TDRD5: variants seen among roughly 807,000 people sequenced by gnomAD.
TDRD5 encodes the protein tudor domain containing 5, also known as tudor domain-containing protein 5.
A neutral mutation model predicts 120.6 loss-of-function variants in TDRD5; 41 were observed. The observed-to-expected ratio is 0.34, with a 90% CI of 0.26 to 0.44. The LOEUF (loss-of-function observed/expected upper bound fraction) is 0.44. Among genes scored for constraint, TDRD5 ranks in the 20% least tolerant of loss-of-function variants. The probability of loss-of-function intolerance (pLI) is 1.00; values close to 1 mark genes in which losing one functional copy is unlikely to be tolerated. For synonymous variants in TDRD5, 430 were observed against 433.7 expected, an observed-to-expected ratio of 0.99 and a Z score of 0.11; for missense variants, 1,006 against 1,221.2, an observed-to-expected ratio of 0.82 and a Z score of 2.63.
At chr1:179,624,620 A>G (rs927704685) in intron 6 of TDRD5, among the ~76,000 whole-genome samples, 2 of 152,352 alleles carry the variant, frequency 1.3e-5, no homozygotes, top group African/African-American at 2.4e-5. Context: ...GTAGCAAACT[A>G]TTGGAGAATG....
In TDRD5 at chr1:179,611,608, A is replaced by C. The variant is rs116682933; in HGVS notation, c.832-6991A>C. On this transcript the variant is annotated intron_variant, in intron 4 of 17. Transcript: ENST00000444136. ...AAAAGTTCCAAAAAAAATTAATTATAATGTATATTTCTTTTTTCAGAAACT... is the reference window on the plus strand; with the variant it reads ...AAAAGTTCCAAAAAAAATTAATTATCATGTATATTTCTTTTTTCAGAAACT... Among the ~76,000 whole-genome samples, 339 of 152,272 alleles carry C rather than the reference A, an allele frequency of 2.2e-3. 6 individuals are homozygous for C. The highest frequency in any genetic ancestry group is 7.7e-3 in the African/African-American group (321 of 41,562).
In TDRD5 at chr1:179,591,890, A is replaced by G. The variant is rs1178507716; in HGVS notation, c.-250A>G. 4 of 152,204 alleles carry G rather than the reference A, an allele frequency of 2.6e-5. No individual in the cohort carries two copies. The highest frequency in any genetic ancestry group is 7.2e-5 in the African/African-American group (3 of 41,426). The allele number at this position is 152,204 out of a possible 1,614,324, so 9.4% of individuals were successfully genotyped here. ...TGCGCCGATTCGGAGAGGGCCCCCTAATCTCTACTCGGCCCGCACCAGCAG... is the reference window on the plus strand; with the variant it reads ...TGCGCCGATTCGGAGAGGGCCCCCTGATCTCTACTCGGCCCGCACCAGCAG... On this transcript the variant is annotated 5_prime_UTR_variant, in exon 1 of 18. Transcript: ENST00000444136.
intron 4 of TDRD5, among the ~76,000 whole-genome samples, chr1:179,600,902 T>G (rs1675668183): frequency 6.6e-6 from 1 of 152,204 alleles, no homozygotes; most frequent in African/African-American, 2.4e-5. Flanking sequence ...TAGAAGTGTG[T>G]TGTTTAATAT....
chr1:179,671,949 G>GGTGGGTGT (rs747798739), intron 17 of TDRD5, among the ~76,000 whole-genome samples: 2 of 141,728 alleles, frequency 1.4e-5, no homozygotes, highest in African/African-American at 5.2e-5. Flanking sequence ...AATATTCCAT[G>GGTGGGTGT]GTGTGTGTGT....
In TDRD5 at chr1:179,691,162, CTG is replaced by C. The variant is rs754479969; in HGVS notation, c.*223_*224del. On this transcript the variant is annotated 3_prime_UTR_variant, in exon 18 of 18. Transcript: ENST00000444136. ...AATCTTGATTTTTCTTGATTTTATT[CTG>C]TGTCATTTTGTTCACCTTTGTTTTT... is the stretch of plus-strand genomic sequence containing the variant. 33 of 538,072 alleles carry C rather than the reference CTG, an allele frequency of 6.1e-5. No homozygotes were observed. Among genetic ancestry groups the C allele is most frequent in the African/African-American group, 2.1e-4 (11 of 52,396 alleles). 33.3% of individuals were successfully genotyped at this position (538,072 alleles called of 1,614,324 possible).
intron 17 of TDRD5, among the ~76,000 whole-genome samples, chr1:179,670,104 A>C (rs1679777939): frequency 6.6e-6 from 1 of 152,228 alleles, no homozygotes; most frequent in Non-Finnish European, 1.5e-5. Flanking sequence ...AAAGATATAC[A>C]TAAGAGGCTG....
rs1679580140 is a variant in TDRD5 at position 179,666,830 on chromosome 1, CT to C, written c.2650-2358del. ...TTCTTGCCAACAATTGTAATCATGT[CT>C]TTTTTATTATAGCCATTCTAGTGGA... On this transcript the variant is annotated intron_variant, in intron 16 of 17. Transcript: ENST00000444136. 3.9e-5 allele frequency among the ~76,000 whole-genome samples: 6 copies of C among 152,132 alleles called. No homozygotes were observed. The South Asian group carries it at 1.2e-3, about 32-fold the overall frequency.
At chr1:179,643,113 T>C (rs1421985603) in intron 11 of TDRD5, among the ~76,000 whole-genome samples, 4 of 152,282 alleles carry the variant, frequency 2.6e-5, no homozygotes, top group African/African-American at 9.6e-5. Context: ...GGGAACTCAG[T>C]AGCCCTAGTG....
At chr1:179,686,683 TG>T (rs60395331) in intron 17 of TDRD5, among the ~76,000 whole-genome samples, 50,446 of 151,986 alleles carry the variant, frequency 0.33, 8,562 homozygotes, top group Admixed American at 0.41. Flanking sequence ...GGACTTTTTT[TG>T]GTTGGTAGGC....
intron 5 of TDRD5, 131 bp downstream of exon 5, chr1:179,618,813 T>A (rs993710233): frequency 1.7e-6 from 1 of 600,848 alleles, no homozygotes; most frequent in Non-Finnish European, 2.6e-6. Context: ...GCAACAATTC[T>A]TTTAGACTAA....
intron 6 of TDRD5, among the ~76,000 whole-genome samples, chr1:179,628,646 G>T (rs560301863): frequency 6.6e-6 from 1 of 151,988 alleles, no homozygotes; most frequent in African/African-American, 2.4e-5. Flanking sequence ...AGCCAATAAA[G>T]CAGAAAGCAT....
chr1:179,607,800 T>C (rs1391572474), intron 4 of TDRD5, among the ~76,000 whole-genome samples: 1 of 151,958 alleles, frequency 6.6e-6, no homozygotes, highest in Non-Finnish European at 1.5e-5. Context: ...ATATTTATTT[T>C]AATACTAAAA....
At chr1:179,592,450 A>G in intron 1 of TDRD5, 152 bp from the exon 2 acceptor site, 1 of 611,072 alleles carries the variant, frequency 1.6e-6, no homozygotes, top group Admixed American at 2.9e-5. Flanking sequence ...TCGCCCGGCC[A>G]CGCGCAAGCC....
chr1:179,637,664 A>T (rs1282086275), intron 9 of TDRD5, among the ~76,000 whole-genome samples: 1 of 151,262 alleles, frequency 6.6e-6, no homozygotes, highest in Non-Finnish European at 1.5e-5. Flanking sequence ...GCAGTGAGTC[A>T]TGATTGTGCT....
chr1:179,595,543 C>T (rs1572321194), intron 3 of TDRD5, 85 bp from the exon 4 acceptor site: 2 of 1,231,324 alleles, frequency 1.6e-6, no homozygotes, highest in East Asian at 5.0e-5. Flanking sequence ...AGTTAGCTCA[C>T]AGTAGCCTCT....
intron 3 of TDRD5, 96 bp from the exon 4 acceptor site, chr1:179,595,532 C>A: frequency 9.5e-7 from 1 of 1,050,992 alleles, no homozygotes. Context: ...AAGTTGAAGG[C>A]AGTTAGCTCA....
chr1:179,679,706 CT>C (rs1234409938), intron 17 of TDRD5, among the ~76,000 whole-genome samples: 7 of 125,742 alleles, frequency 5.6e-5, no homozygotes, highest in African/African-American at 2.0e-4. Context: ...TTTGTGCCAT[CT>C]TTTTCCCCCC....
intron 16 of TDRD5, among the ~76,000 whole-genome samples, chr1:179,663,968 A>G (rs1044243058): frequency 6.6e-6 from 1 of 152,200 alleles, no homozygotes; most frequent in Non-Finnish European, 1.5e-5. Flanking sequence ...TAATTGTTTC[A>G]GGTTTCCTGA....
intron 17 of TDRD5, among the ~76,000 whole-genome samples, chr1:179,680,138 T>A (rs1680344152): frequency 6.6e-6 from 1 of 152,174 alleles, no homozygotes; most frequent in Non-Finnish European, 1.5e-5. Context: ...CTTTCTATTG[T>A]TTATTTCTAA....
Sources: gnomAD v4.1 joint callset for allele counts (sites outside exome capture counted in the v4.1 genomes callset) on GRCh38, gnomAD v4.1.1 for gene constraint, MANE v1.5 for transcripts, NCBI Gene and HGNC (gene_info 2026-07-23, HGNC 2026-07-21) for gene names.